The following ST18 variants were observed in gnomAD, a reference collection of about 807,000 sequenced individuals.
ST18 encodes the protein ST18 C2H2C-type zinc finger transcription factor, also known as suppression of tumorigenicity 18 protein.
In ST18, 50 loss-of-function variants were observed where a neutral mutation model predicts 110.0. The observed-to-expected ratio is 0.45, with a 90% CI of 0.36 to 0.58. ST18 has a LOEUF of 0.58. Among genes scored for constraint, ST18 ranks in the 20% least tolerant of loss-of-function variants. The pLI is 0.00. For synonymous variants in ST18, 461 were observed against 452.4 expected (o/e 1.02, Z -0.24); for missense variants, 1,306 against 1,280.1 (o/e 1.02, Z -0.31).
At chr8:52,212,974 A>G (rs1301109873) in intron 7 of ST18, among the ~76,000 whole-genome samples, 3 of 152,240 alleles carry the variant, frequency 2.0e-5, no homozygotes, top group Non-Finnish European at 4.4e-5. Flanking sequence ...TATGGCAGGC[A>G]TAAGCTTATT....
chr8:52,384,670 A>G (rs773289055), intron 2 of ST18, among the ~76,000 whole-genome samples: 10 of 152,072 alleles, frequency 6.6e-5, no homozygotes, highest in Non-Finnish European at 1.5e-4. Flanking sequence ...AAAATCTTCA[A>G]TGGCTAATTT....
chr8:52,313,884 GGTGCT>G (rs2095972346), intron 2 of ST18, among the ~76,000 whole-genome samples: 1 of 152,202 alleles, frequency 6.6e-6, no homozygotes, highest in South Asian at 2.1e-4. Flanking sequence ...GGATCCCAGA[GGTGCT>G]GCTCCCCAAA....
At chr8:52,387,230 T>A (rs1837160822) in intron 2 of ST18, among the ~76,000 whole-genome samples, 1 of 152,200 alleles carries the variant, frequency 6.6e-6, no homozygotes, top group East Asian at 1.9e-4. Flanking sequence ...ATAATAGATA[T>A]AATGAAAAAT....
At chr8:52,258,910 G>A (rs1471418721) in intron 2 of ST18, among the ~76,000 whole-genome samples, 5 of 152,122 alleles carry the variant, frequency 3.3e-5, no homozygotes, top group African/African-American at 1.2e-4. Context: ...CTGCTTTCTG[G>A]CATAGTAACC....
At chr8:52,308,567 G>A (rs1485609378) in intron 2 of ST18, among the ~76,000 whole-genome samples, 1 of 152,222 alleles carries the variant, frequency 6.6e-6, no homozygotes, top group Admixed American at 6.5e-5. Context: ...TTGATGATTG[G>A]AGGTTCTTGA....
intron 23 of ST18, among the ~76,000 whole-genome samples, chr8:52,123,142 T>A (rs2045651020): frequency 6.6e-6 from 1 of 152,190 alleles, no homozygotes; most frequent in South Asian, 2.1e-4. Flanking sequence ...ATGGCAAGGA[T>A]GGAGAACTAA....
Position 52,362,915 on chromosome 8 carries a change from TAAA to T in ST18, c.-465+46410_-465+46412del, listed in dbSNP as rs1826298908. ...CCTGTCAGTGACTAGAGAGGTGTGT[TAAA>T]AATCTCCCACAGGCCAGACGCGGTG... On this transcript the variant is annotated intron_variant, in intron 2 of 25. Transcript: ENST00000689386. Among the ~76,000 whole-genome samples the T allele has an allele frequency of 4.6e-5, 7 of 152,084 alleles. No homozygotes were observed. In the South Asian group the frequency reaches 1.5e-3, roughly 32 times the overall value.
chr8:52,116,327 C>A lies in ST18; in HGVS notation c.2951G>T (p.Gly984Val). 1 of 1,613,988 alleles carries A rather than the reference C, an allele frequency of 6.2e-7. No homozygotes were observed. Among genetic ancestry groups the A allele is most frequent in the Non-Finnish European group, 8.5e-7 (1 of 1,179,940 alleles). ...GCTTGAAATGAGAGCTTGGCTTAGA[C>A]CTGCCAGCTCTTTCAGCAGACTTTC... ...NNESLLKELA[G>V]LSQALISSLA... Residue 984 changes from glycine to valine, a missense_variant, in exon 25 of 26, where the codon GGT becomes GTT. Gly to Val is a moderately radical substitution (Grantham distance 109). Transcript: ENST00000689386.
chr8:52,131,932 A>G (rs1441259705), intron 22 of ST18, 26 bp downstream of exon 22: 6 of 1,611,640 alleles, frequency 3.7e-6, no homozygotes, highest in Non-Finnish European at 5.1e-6. Context: ...CAACACTACA[A>G]CAAAAAGACA....
chr8:52,346,567 G>A (rs769996827), intron 2 of ST18, among the ~76,000 whole-genome samples: 5 of 152,140 alleles, frequency 3.3e-5, no homozygotes, highest in African/African-American at 4.8e-5. Context: ...AGAGCATCAC[G>A]AGCTCCAGTA....
At chr8:52,290,811 G>A (rs2095544085) in intron 2 of ST18, among the ~76,000 whole-genome samples, 1 of 152,264 alleles carries the variant, frequency 6.6e-6, no homozygotes, top group East Asian at 1.9e-4. Flanking sequence ...GAACCTCACG[G>A]CCTCTTGTGC....
At chr8:52,258,843 G>A (rs1278335957) in intron 2 of ST18, among the ~76,000 whole-genome samples, 1 of 152,160 alleles carries the variant, frequency 6.6e-6, no homozygotes, top group Non-Finnish European at 1.5e-5. Context: ...CATGATATTA[G>A]CTAATTTTGG....
chr8:52,303,730 T>C (rs138861252), intron 2 of ST18, among the ~76,000 whole-genome samples: 9 of 152,310 alleles, frequency 5.9e-5, no homozygotes, highest in African/African-American at 2.2e-4. Flanking sequence ...AAATGATCCA[T>C]AGTGTTCAAA....
At chr8:52,356,247 A>C (rs2140375659) in intron 2 of ST18, among the ~76,000 whole-genome samples, 1 of 152,302 alleles carries the variant, frequency 6.6e-6, no homozygotes, top group East Asian at 1.9e-4. Flanking sequence ...GAGTGTCCCA[A>C]TACCGGGTCA....
chr8:52,317,404 T>G (rs1011707865), intron 2 of ST18, among the ~76,000 whole-genome samples: 1 of 152,196 alleles, frequency 6.6e-6, no homozygotes, highest in Admixed American at 6.5e-5. Context: ...CACCAGAAGC[T>G]GGAAGAAACA....
upstream of ST18, chr8:52,409,865 G>A (rs538786711): frequency 6.6e-6 from 1 of 152,394 alleles, no homozygotes; most frequent in South Asian, 2.1e-4. Flanking sequence ...TTCACTGAGA[G>A]TGAGCGAACA....
At chr8:52,298,974 T>G (rs1313662277) in intron 2 of ST18, among the ~76,000 whole-genome samples, 1 of 152,202 alleles carries the variant, frequency 6.6e-6, no homozygotes, top group Non-Finnish European at 1.5e-5. Context: ...GAATTTGTAT[T>G]ACTGCGTGTA....
chr8:52,204,553 C>A (rs16917466), intron 8 of ST18, among the ~76,000 whole-genome samples: 23,884 of 152,204 alleles, frequency 0.16, 1,972 homozygotes, highest in Middle Eastern at 0.26. Context: ...GCTGTTACAT[C>A]ATACCCTGGG....
chr8:52,149,661 G>A, intron 16 of ST18, 71 bp downstream of exon 16: 1 of 1,530,990 alleles, frequency 6.5e-7, no homozygotes, highest in South Asian at 1.3e-5. Flanking sequence ...ATATAATTTA[G>A]GAGGGAAAAG....
Sources: allele counts gnomAD v4.1 joint callset (sites outside exome capture counted in the v4.1 genomes callset), GRCh38; gene constraint gnomAD v4.1.1; transcripts MANE v1.5; gene names NCBI Gene and HGNC (gene_info 2026-07-23, HGNC 2026-07-21).